Variants in PDCL2 observed in about 807,000 individuals in gnomAD.
PDCL2 encodes the protein phosducin like 2, also known as phosducin-like protein 2.
PDCL2 carries 23 observed loss-of-function variants against 30.3 expected under a neutral mutation model. The observed-to-expected ratio is 0.76, with a 90% CI of 0.55 to 1.08. PDCL2 has a LOEUF of 1.08. PDCL2 is among the 50% of genes least tolerant of loss of function. PDCL2 has a pLI of 0.00. For missense variants in PDCL2, 243 were observed against 282.3 expected, an observed-to-expected ratio of 0.86 and a Z score of 1.00; for synonymous variants, 68 against 86.2, an observed-to-expected ratio of 0.79 and a Z score of 1.17.
At chr4:55,582,080 A>G in intron 2 of PDCL2, 37 bp downstream of exon 2, 1 of 1,608,310 alleles carries the variant, frequency 6.2e-7, no homozygotes, top group Non-Finnish European at 8.5e-7. Context: ...TAACTGTATT[A>G]TTCCCATCAT....
intron 3 of PDCL2, among the ~76,000 whole-genome samples, chr4:55,579,485 C>T (rs141788388): frequency 1.8e-3 from 269 of 152,168 alleles, no homozygotes; most frequent in African/African-American, 5.8e-3. Flanking sequence ...TGTGCTACAA[C>T]GCCTGGCTAA....
At chr4:55,588,274 A>G (rs1019836536) in intron 1 of PDCL2, among the ~76,000 whole-genome samples, 4 of 152,230 alleles carry the variant, frequency 2.6e-5, no homozygotes, top group African/African-American at 9.6e-5. Context: ...CAGAACTGAA[A>G]GTCATCCCTC....
intron 3 of PDCL2, 82 bp downstream of exon 3, chr4:55,580,739 T>G (rs1330012079): frequency 1.3e-5 from 13 of 987,482 alleles, no homozygotes; most frequent in African/African-American, 1.7e-5. Flanking sequence ...GTAAAATCTA[T>G]GTGACAAGAC....
In PDCL2 at chr4:55,582,254, G is replaced by T. The variant is rs773916332; in HGVS notation, c.7-17C>A. 2 of 1,577,340 alleles carry T rather than the reference G, an allele frequency of 1.3e-6. No homozygotes were observed. The highest frequency in any genetic ancestry group is 1.7e-6 in the Non-Finnish European group (2 of 1,168,366). Reference sequence around the variant, plus strand: ...ATTGGGATCCTACACAAAAAGAAAAGAAAAGAAAATTAACATGGTTGTACA... The same window carrying T: ...ATTGGGATCCTACACAAAAAGAAAATAAAAGAAAATTAACATGGTTGTACA... On this transcript the variant is annotated splice_polypyrimidine_tract_variant and intron_variant, in intron 1 of 5. Transcript: ENST00000295645.
chr4:55,577,370 G>A (rs1023453371), intron 3 of PDCL2, among the ~76,000 whole-genome samples: 3 of 152,136 alleles, frequency 2.0e-5, no homozygotes, highest in Non-Finnish European at 2.9e-5. Context: ...ATCATTTAGT[G>A]GTTTTTATGG....
chr4:55,565,653 A>C (rs2110154937), intron 4 of PDCL2, among the ~76,000 whole-genome samples: 2 of 152,294 alleles, frequency 1.3e-5, no homozygotes, highest in South Asian at 4.1e-4. Context: ...GTGAGGACAC[A>C]GCCAAACCAT....
intron 3 of PDCL2, among the ~76,000 whole-genome samples, chr4:55,580,578 T>C (rs1210637894): frequency 6.6e-6 from 1 of 152,204 alleles, no homozygotes; most frequent in East Asian, 1.9e-4. Context: ...TAATCGTATG[T>C]AGCTTGATGA....
At chr4:55,572,497 T>C (rs1241203420) in intron 3 of PDCL2, among the ~76,000 whole-genome samples, 1 of 152,116 alleles carries the variant, frequency 6.6e-6, no homozygotes, top group Non-Finnish European at 1.5e-5. Context: ...TAGAAACCTA[T>C]CTCCTTAGTA....
At chr4:55,583,628 C>T (rs1202303345) in intron 1 of PDCL2, among the ~76,000 whole-genome samples, 6 of 152,138 alleles carry the variant, frequency 3.9e-5, no homozygotes, top group Admixed American at 2.6e-4. Flanking sequence ...TTTAATTCTT[C>T]TATATGTGGA....
chr4:55,573,988 G>C lies in PDCL2; in HGVS notation c.219-4127C>G, dbSNP rs111227132. ...GGCTCACTGCAACCTCTGCCTCCCAGGTTCAAGCGATTCTCCTGCCTCAGC... is the reference window on the plus strand; with the variant it reads ...GGCTCACTGCAACCTCTGCCTCCCACGTTCAAGCGATTCTCCTGCCTCAGC... On this transcript the variant is annotated intron_variant, in intron 3 of 5. Coordinates refer to ENST00000295645, the MANE Select transcript of PDCL2 (RefSeq NM_152401.3). 9.1e-3 allele frequency among the ~76,000 whole-genome samples: 1,381 copies of C among 151,460 alleles called. 8 individuals carry two copies. Among genetic ancestry groups the C allele is most frequent in the Middle Eastern group, 0.017 (5 of 294 alleles).
chr4:55,557,627 C>T (rs1732004083), intron 5 of PDCL2, among the ~76,000 whole-genome samples: 1 of 151,982 alleles, frequency 6.6e-6, no homozygotes, highest in Admixed American at 6.6e-5. Flanking sequence ...CCATTCCACC[C>T]CAGCCCCCAA....
chr4:55,564,261 T>TCC (rs1732206112), intron 4 of PDCL2, among the ~76,000 whole-genome samples: 1 of 152,086 alleles, frequency 6.6e-6, no homozygotes, highest in East Asian at 1.9e-4. Flanking sequence ...ATGGCAGAAG[T>TCC]CAGGTAGGTA....
intron 2 of PDCL2, among the ~76,000 whole-genome samples, chr4:55,581,676 T>G (rs1732716648): frequency 6.6e-6 from 1 of 152,136 alleles, no homozygotes; most frequent in Admixed American, 6.5e-5. Flanking sequence ...TGAAAGTAGT[T>G]GAGGGGGGTT....
intron 3 of PDCL2, among the ~76,000 whole-genome samples, chr4:55,575,479 A>G (rs571633562): frequency 6.6e-6 from 1 of 152,360 alleles, no homozygotes; most frequent in South Asian, 2.1e-4. Flanking sequence ...AGAGAGAGAA[A>G]AGAAGCATAA....
At chr4:55,563,790 CTA>C (rs1414368216) in intron 4 of PDCL2, among the ~76,000 whole-genome samples, 1 of 152,122 alleles carries the variant, frequency 6.6e-6, no homozygotes. Context: ...ACAAGACAGG[CTA>C]TGGGAGGCAG....
intron 3 of PDCL2, among the ~76,000 whole-genome samples, chr4:55,572,166 G>C (rs933962584): frequency 1.3e-5 from 2 of 152,126 alleles, no homozygotes; most frequent in Non-Finnish European, 2.9e-5. Context: ...AGTTCAAACA[G>C]TGTTCAATGG....
At chr4:55,591,863 A>T (rs1577923317) in intron 1 of PDCL2, among the ~76,000 whole-genome samples, 1 of 152,258 alleles carries the variant, frequency 6.6e-6, no homozygotes, top group East Asian at 1.9e-4. Context: ...ACAATACGTA[A>T]CAACTCTTTT....
intron 4 of PDCL2, among the ~76,000 whole-genome samples, chr4:55,563,504 A>T (rs1351250132): frequency 6.6e-6 from 1 of 152,224 alleles, no homozygotes; most frequent in Non-Finnish European, 1.5e-5. Flanking sequence ...AACATGGTGA[A>T]ACCCTGTCTC....
chr4:55,579,013 C>A (rs1732640027), intron 3 of PDCL2, among the ~76,000 whole-genome samples: 1 of 152,162 alleles, frequency 6.6e-6, no homozygotes, highest in Non-Finnish European at 1.5e-5. Flanking sequence ...GAGATTACTT[C>A]TTCCAAATTT....
Sources: gnomAD v4.1 joint callset for allele counts (sites outside exome capture counted in the v4.1 genomes callset) on GRCh38, gnomAD v4.1.1 for gene constraint, MANE v1.5 for transcripts, NCBI Gene and HGNC (gene_info 2026-07-23, HGNC 2026-07-21) for gene names.